The following HNRNPAB variants were observed in gnomAD, a reference collection of about 807,000 sequenced individuals.
The protein encoded by HNRNPAB is ABBP-1.
In HNRNPAB, 17 loss-of-function variants were observed where a neutral mutation model predicts 44.1. The ratio of observed to expected loss-of-function variants is 0.39; its 90% CI spans 0.26 to 0.58. The LOEUF (loss-of-function observed/expected upper bound fraction) is 0.58. Among genes scored for constraint, HNRNPAB ranks in the 20% least tolerant of loss-of-function variants. The pLI is 0.63. For missense variants in HNRNPAB, 393 were observed against 432.7 expected, an observed-to-expected ratio of 0.91 and a Z score of 0.81; for synonymous variants, 183 against 167.6, an observed-to-expected ratio of 1.09 and a Z score of -0.71.
intron 6 of HNRNPAB, 145 bp from the exon 7 acceptor site, chr5:178,209,987 C>A (rs1272331554): frequency 9.6e-7 from 1 of 1,037,686 alleles, no homozygotes; most frequent in Non-Finnish European, 1.3e-6. Flanking sequence ...GGGCCCAGGG[C>A]CCTTATACAC....
At position 178,205,833 on chromosome 5, in the gene HNRNPAB, C is replaced by G; in HGVS notation, c.210-9C>G. 6.2e-7 allele frequency: 1 copy of G among 1,611,876 alleles called. No individual in the cohort carries two copies. The highest frequency in any genetic ancestry group is 8.5e-7 in the Non-Finnish European group (1 of 1,178,624). On this transcript the variant is annotated splice_polypyrimidine_tract_variant and intron_variant, in intron 2 of 7. Coordinates refer to ENST00000358344, the MANE Select transcript of HNRNPAB (RefSeq NM_031266.3). ...ACTTGTTGCCGTGTGTCTCACCCTA[C>G]CATTTCAGAAAAATGTTCGTTGGTG...
At position 178,205,961 on chromosome 5, in the gene HNRNPAB, C is replaced by A; in HGVS notation, c.329C>A (p.Ser110Ter). 6.2e-7 allele frequency: 1 copy of A among 1,614,134 alleles called. No individual in the cohort carries two copies. The highest frequency in any genetic ancestry group is 1.1e-5 in the South Asian group (1 of 91,062). ...TIKMDPNTGR[S>*]RGFGFILFKD... ...AAAATGGATCCCAACACTGGACGGT[C>A]AAGAGGGTTTGGGTTTATCCTGTTC... The change falls in exon 3 of 8, where the codon TCA becomes TAA. Residue 110 changes from serine to a stop codon, truncating the protein, a stop_gained. Transcript: ENST00000358344. LOFTEE classifies it high-confidence loss of function.
chr5:178,206,950 C>T lies in HNRNPAB; in HGVS notation c.537+60C>T, dbSNP rs117643211. On this transcript the variant is annotated intron_variant, in intron 4 of 7. Transcript: ENST00000358344. ...CCCTAAGGCTGCCTTCTTTCTGGTCCTTGGTATCCTTGGCTGGCTAGACCC... is the reference window on the plus strand; with the variant it reads ...CCCTAAGGCTGCCTTCTTTCTGGTCTTTGGTATCCTTGGCTGGCTAGACCC... 286 of 1,600,320 alleles carry T rather than the reference C, an allele frequency of 1.8e-4. 2 individuals are homozygous for T. The East Asian group carries it at 6.4e-3, about 36-fold the overall frequency.
chr5:178,205,099 TTTG>T (rs2113530465), intron 2 of HNRNPAB, 53 bp downstream of exon 2: 4 of 1,158,386 alleles, frequency 3.5e-6, no homozygotes, highest in Non-Finnish European at 4.3e-6. Context: ...GGGGCCGCCT[TTTG>T]TTGGCGCCAC....
In HNRNPAB at chr5:178,210,605, T is replaced by C. The variant is rs776274134; in HGVS notation, c.981T>C (p.Asn327=). ...GKSQRRGGHQ[N]NYKPY ...GCCAGCGACGTGGTGGCCATCAGAA[T>C]AACTACAAGCCATACTGAGGCGGCA... The change falls in exon 8 of 8, where the codon AAT becomes AAC. Residue 327 remains asparagine (N), a synonymous_variant. Transcript: ENST00000358344. 1.2e-4 allele frequency: 194 copies of C among 1,613,916 alleles called. No homozygotes were observed. The highest frequency in any genetic ancestry group is 1.5e-4 in the Non-Finnish European group (174 of 1,179,936).
In HNRNPAB at chr5:178,210,386, C is replaced by A. The variant is rs922154375; in HGVS notation, c.928+114C>A. 6 of 1,573,352 alleles carry A rather than the reference C, an allele frequency of 3.8e-6. No individual in the cohort carries two copies. In the African/African-American group the frequency reaches 6.8e-5, roughly 18 times the overall value. On this transcript the variant is annotated intron_variant, in intron 7 of 7. Transcript: ENST00000358344. ...TGGAGTCAGACAGGCCTGGCTCAGCCATGGGAGCTACTTGATTTTGAGCCT... is the reference window on the plus strand; with the variant it reads ...TGGAGTCAGACAGGCCTGGCTCAGCAATGGGAGCTACTTGATTTTGAGCCT...
intron 4 of HNRNPAB, 76 bp downstream of exon 4, chr5:178,206,966 G>A: frequency 6.3e-7 from 1 of 1,593,950 alleles, no homozygotes; most frequent in South Asian, 1.1e-5. Context: ...ATCCTTGGCT[G>A]GCTAGACCCT....
At chr5:178,205,410 G>A (rs758680775) in intron 2 of HNRNPAB, among the ~76,000 whole-genome samples, 1 of 152,136 alleles carries the variant, frequency 6.6e-6, no homozygotes, top group Non-Finnish European at 1.5e-5. Context: ...GGCGCGAGCC[G>A]GGGCCCGGAC....
chr5:178,206,909 A>G lies in HNRNPAB; in HGVS notation c.537+19A>G, dbSNP rs1757087076. ...TGGGGAGGTGAGTGTGGCTCTGGGA[A>G]TAGCCCATCAGCTGCCCCTAAGGCT... On this transcript the variant is annotated intron_variant, in intron 4 of 7. Transcript: ENST00000358344. The G allele has an allele frequency of 6.2e-7, 1 of 1,613,580 alleles. No individual in the cohort carries two copies. The highest frequency in any genetic ancestry group is 8.5e-7 in the Non-Finnish European group (1 of 1,179,652).
intron 7 of HNRNPAB, 53 bp downstream of exon 7, chr5:178,210,325 G>A: frequency 6.2e-7 from 1 of 1,611,794 alleles, no homozygotes; most frequent in East Asian, 2.2e-5. Context: ...CCCAGGGGAG[G>A]CAGGACAGTG....
At chr5:178,207,828 G>A (rs952815210) in intron 5 of HNRNPAB, among the ~76,000 whole-genome samples, 3 of 150,936 alleles carry the variant, frequency 2.0e-5, no homozygotes, top group Non-Finnish European at 2.9e-5. Context: ...TCAGCCTCTC[G>A]AGTAGCTGGG....
In HNRNPAB at chr5:178,204,835, A is replaced by G; in HGVS notation, c.-3A>G. The G allele has an allele frequency of 8.2e-7, 1 of 1,217,574 alleles. No homozygotes were observed. Among genetic ancestry groups the G allele is most frequent in the Middle Eastern group, 3.2e-4 (1 of 3,100 alleles). 75.4% of individuals were successfully genotyped at this position (1,217,574 alleles called of 1,614,324 possible). Reference sequence around the variant, plus strand: ...TGCAGGAGCCGCCGCGCCTCGGCCTAGCATGTCGGAAGCGGGCGAGGAGCA... The same window carrying G: ...TGCAGGAGCCGCCGCGCCTCGGCCTGGCATGTCGGAAGCGGGCGAGGAGCA... On this transcript the variant is annotated 5_prime_UTR_variant, in exon 2 of 8. Coordinates refer to ENST00000358344, the MANE Select transcript of HNRNPAB (RefSeq NM_031266.3).
chr5:178,205,832 A>T lies in HNRNPAB; in HGVS notation c.210-10A>T. 1 of 1,612,028 alleles carries T rather than the reference A, an allele frequency of 6.2e-7. No individual in the cohort carries two copies. The highest frequency in any genetic ancestry group is 8.5e-7 in the Non-Finnish European group (1 of 1,178,664). On this transcript the variant is annotated splice_polypyrimidine_tract_variant and intron_variant, in intron 2 of 7. Coordinates refer to ENST00000358344, the MANE Select transcript of HNRNPAB (RefSeq NM_031266.3). Reference sequence around the variant, plus strand: ...GACTTGTTGCCGTGTGTCTCACCCTACCATTTCAGAAAAATGTTCGTTGGT... The same window carrying T: ...GACTTGTTGCCGTGTGTCTCACCCTTCCATTTCAGAAAAATGTTCGTTGGT...
rs761030612 is a variant in HNRNPAB at position 178,205,986 on chromosome 5, C to CA, written c.357dup (p.Asp120ArgfsTer22). ...CAAGAGGGTTTGGGTTTATCCTGTT[C>CA]AAAGATGCAGCCAGTGTGGAGAAGG... is the stretch of plus-strand genomic sequence containing the variant. On this transcript the variant is annotated frameshift_variant, in exon 3 of 8. Coordinates refer to ENST00000358344, the MANE Select transcript of HNRNPAB (RefSeq NM_031266.3). LOFTEE classifies it high-confidence loss of function. 6.2e-7 allele frequency: 1 copy of CA among 1,614,016 alleles called. No homozygotes were observed. Among genetic ancestry groups the CA allele is most frequent in the Non-Finnish European group, 8.5e-7 (1 of 1,179,954 alleles).
chr5:178,205,186 G>T, intron 2 of HNRNPAB, 140 bp downstream of exon 2: 2 of 520,624 alleles, frequency 3.8e-6, no homozygotes, highest in Non-Finnish European at 5.5e-6. Context: ...CGCTGCGTTC[G>T]CGGGCCGGGC....
intron 5 of HNRNPAB, among the ~76,000 whole-genome samples, chr5:178,207,898 T>C (rs1032172197): frequency 1.3e-5 from 2 of 152,008 alleles, no homozygotes; most frequent in African/African-American, 4.8e-5. Context: ...GGTCTCACCA[T>C]GTTGCCTGGG....
At chr5:178,208,504 T>A (rs1422127680) in intron 5 of HNRNPAB, 1 of 152,236 alleles carries the variant, frequency 6.6e-6, no homozygotes, top group Non-Finnish European at 1.5e-5. Flanking sequence ...TAGTTGGTTA[T>A]ATTCAGTATT....
At chr5:178,205,156 T>C in intron 2 of HNRNPAB, 110 bp downstream of exon 2, 1 of 770,476 alleles carries the variant, frequency 1.3e-6, no homozygotes, top group Non-Finnish European at 1.7e-6. Flanking sequence ...TCGGGGCTGG[T>C]GCGGCCCGCG....
At chr5:178,205,112 C>T in intron 2 of HNRNPAB, 66 bp downstream of exon 2, 1 of 1,124,262 alleles carries the variant, frequency 8.9e-7, no homozygotes, top group Non-Finnish European at 1.1e-6. Context: ...GTTGGCGCCA[C>T]GCGGCGGGGG....
Sources: gnomAD v4.1 joint callset for allele counts (sites outside exome capture counted in the v4.1 genomes callset) on GRCh38, gnomAD v4.1.1 for gene constraint, MANE v1.5 for transcripts, NCBI Gene and HGNC (gene_info 2026-07-23, HGNC 2026-07-21) for gene names.